The following PABPC5 variants were observed in gnomAD, a reference collection of about 807,000 sequenced individuals.
The protein encoded by PABPC5 is polyadenylate-binding protein 5.
A neutral mutation model predicts 12.6 loss-of-function variants in PABPC5; 6 were observed. The ratio of observed to expected loss-of-function variants is 0.48; its 90% CI spans 0.26 to 0.94. The LOEUF is 0.94. PABPC5 is among the 40% of genes least tolerant of loss of function. PABPC5 has a pLI of 0.14. For missense variants in PABPC5, 244 were observed against 302.8 expected, an observed-to-expected ratio of 0.81 and a Z score of 1.44; for synonymous variants, 124 against 118.4, an observed-to-expected ratio of 1.05 and a Z score of -0.31.
chrX:91,435,769 T>C lies in PABPC5; in HGVS notation c.192T>C (p.Val64=), dbSNP rs1449809207. 2 of 1,209,535 alleles carry C rather than the reference T, an allele frequency of 1.7e-6. No homozygotes were observed. The highest frequency in any genetic ancestry group is 2.2e-6 in the Non-Finnish European group (2 of 895,020). ...GCAGCCCCCTGGGCTATGGGTATGT[T>C]AACTTCCGCTTTCCCGCGGATGCAG... is the stretch of plus-strand genomic sequence containing the variant. ...VTRSPLGYGY[V]NFRFPADAEW... The change falls in exon 2 of 2, where the codon GTT becomes GTC. Residue 64 remains valine (V), a synonymous_variant. Transcript: ENST00000312600.
rs1931622564 is a variant in PABPC5 at position 91,437,467 on chromosome X, T to A, written c.*741T>A. The A allele has an allele frequency of 8.1e-6, 1 of 123,379 alleles. No individual in the cohort carries two copies. The highest frequency in any genetic ancestry group is 1.9e-5 in the Non-Finnish European group (1 of 53,217). 10.2% of individuals were successfully genotyped at this position (123,379 alleles called of 1,213,427 possible). On this transcript the variant is annotated 3_prime_UTR_variant, in exon 2 of 2. Coordinates refer to ENST00000312600, the MANE Select transcript of PABPC5 (RefSeq NM_080832.3). Reference sequence around the variant, plus strand: ...TCCTAAGAGATTTGGTATGTGAGGATACTTTCAGTACCACTCCTACCATTC... The same window carrying A: ...TCCTAAGAGATTTGGTATGTGAGGAAACTTTCAGTACCACTCCTACCATTC...
rs1166566970 is a variant in PABPC5, at chrX:91,435,615, A to G, written c.38A>G (p.Lys13Arg). 1.7e-6 allele frequency: 2 copies of G among 1,207,722 alleles called. No homozygotes were observed. Among genetic ancestry groups the G allele is most frequent in the Non-Finnish European group, 2.2e-6 (2 of 894,172 alleles). The change falls in exon 2 of 2, where the codon AAG becomes AGG. Residue 13 changes from lysine (K) to arginine (R), a missense_variant. Physicochemically the swap from Lys to Arg is conservative, Grantham distance 26 (BLOSUM62 2). This residue lies in a region of PABPC5 where 29 missense variants were observed against 20.5 expected (regional missense o/e 1.41). Transcript: ENST00000312600. ...SGEPNPAGKK[K>R]KYLKAALYVG... ...GAGCCTAATCCTGCTGGCAAGAAAAAGAAGTATCTCAAGGCCGCTCTGTAC... is the reference window on the plus strand; with the variant it reads ...GAGCCTAATCCTGCTGGCAAGAAAAGGAAGTATCTCAAGGCCGCTCTGTAC...
In PABPC5 at chrX:91,435,464, G is replaced by C. The variant is rs1242104847; in HGVS notation, c.-114G>C. ...GACAGTGATTCTGAGTCTGCTTTTA[G>C]CTTCCTTTTGCCTGCCTTGGCTTTT... On this transcript the variant is annotated 5_prime_UTR_variant, in exon 2 of 2. Coordinates refer to ENST00000312600, the MANE Select transcript of PABPC5 (RefSeq NM_080832.3). The C allele has an allele frequency of 1.5e-6, 1 of 686,795 alleles. No individual in the cohort carries two copies. The highest frequency in any genetic ancestry group is 3.5e-5 in the East Asian group (1 of 28,545). 56.6% of individuals were successfully genotyped at this position (686,795 alleles called of 1,213,427 possible).
At chrX:91,435,160 C>A (rs904650675) in intron 1 of PABPC5, among the ~76,000 whole-genome samples, 2 of 111,659 alleles carry the variant, frequency 1.8e-5, no homozygotes, top group African/African-American at 6.5e-5. Flanking sequence ...CCAACAGGAG[C>A]TCTAGGCCTA....
In PABPC5 at chrX:91,436,631, G is replaced by A. The variant is rs1471347981; in HGVS notation, c.1054G>A (p.Glu352Lys). The part of the protein sequence containing the change: ...GFGVVCFSSF[E>K]EATKAVDEMN... ...TGGTGTGGTCTGCTTTTCCTCTTTT[G>A]AAGAGGCTACCAAAGCAGTGGATGA... Residue 352 changes from glutamate to lysine, a missense_variant, in exon 2 of 2, where the codon GAA becomes AAA. Around this residue, in one of 3 missense-constraint regions of PABPC5, gnomAD observed 211 missense variants for 261.5 expected, o/e 0.81. Transcript: ENST00000312600. 1 of 1,211,497 alleles carries A rather than the reference G, an allele frequency of 8.3e-7. No homozygotes were observed. Among genetic ancestry groups the A allele is most frequent in the South Asian group, 1.8e-5 (1 of 56,970 alleles).
rs1461663807 is a variant in PABPC5, at chrX:91,436,820, T to G, written c.*94T>G. 2.3e-5 allele frequency: 18 copies of G among 794,298 alleles called. No homozygotes were observed. The highest frequency in any genetic ancestry group is 9.6e-4 in the Middle Eastern group (2 of 2,073). The allele number at this position is 794,298 out of a possible 1,213,427, so 65.5% of individuals were successfully genotyped here. A position where few individuals can be genotyped will look rare whatever the true frequency, so the allele number is the denominator to read the frequency against. On this transcript the variant is annotated 3_prime_UTR_variant, in exon 2 of 2. Coordinates refer to ENST00000312600, the MANE Select transcript of PABPC5 (RefSeq NM_080832.3). ...GGGTTATTTTATGCTAATTCACAAG[T>G]TTTTTTTTGAAGTGAATTCTTTTGA...
In PABPC5 at chrX:91,437,917, A is replaced by G. The variant is rs984972618; in HGVS notation, c.*1191A>G. 5.8e-5 allele frequency: 7 copies of G among 120,465 alleles called. No homozygotes were observed. The highest frequency in any genetic ancestry group is 2.3e-4 in the African/African-American group (7 of 30,166). The allele number at this position is 120,465 out of a possible 1,213,427, so 9.9% of individuals were successfully genotyped here. A position where few individuals can be genotyped will look rare whatever the true frequency, so the allele number is the denominator to read the frequency against. On this transcript the variant is annotated 3_prime_UTR_variant, in exon 2 of 2. Transcript: ENST00000312600. ...TTAGCCTGTAATTTCTAAATTGGAG[A>G]TTCTCTACATTTCACTTGCAGTTTC...
chrX:91,438,527 A>G lies in PABPC5; in HGVS notation c.*1801A>G, dbSNP rs1205241638. 1 of 123,014 alleles carries G rather than the reference A, an allele frequency of 8.1e-6. No individual in the cohort carries two copies. Among genetic ancestry groups the G allele is most frequent in the Non-Finnish European group, 1.9e-5 (1 of 52,918 alleles). The allele number at this position is 123,014 out of a possible 1,213,427, so 10.1% of individuals were successfully genotyped here. On this transcript the variant is annotated 3_prime_UTR_variant, in exon 2 of 2. Transcript: ENST00000312600. Reference sequence around the variant, plus strand: ...CTATATGTACTGTTCTGTATTTTTAATTTTAAACTGAACAATAATCATCTT... The same window carrying G: ...CTATATGTACTGTTCTGTATTTTTAGTTTTAAACTGAACAATAATCATCTT...
Position 91,436,417 on chromosome X carries a change from C to A in PABPC5, c.840C>A (p.Arg280=). The A allele has an allele frequency of 8.3e-7, 1 of 1,211,568 alleles. No individual in the cohort carries two copies. The highest frequency in any genetic ancestry group is 1.1e-6 in the Non-Finnish European group (1 of 895,526). ...YVGRAQKKIE[R]LAELRRRFER... ...GGCGAGCACAGAAGAAAATTGAACG[C>A]CTGGCTGAGTTGAGGCGGAGATTTG... Residue 280 remains arginine (R), a synonymous_variant, in exon 2 of 2, where the codon CGC becomes CGA. Transcript: ENST00000312600.
Position 91,436,249 on chromosome X carries a change from A to G in PABPC5, c.672A>G (p.Pro224=). 1 of 1,211,814 alleles carries G rather than the reference A, an allele frequency of 8.3e-7. No homozygotes were observed. The highest frequency in any genetic ancestry group is 1.1e-6 in the Non-Finnish European group (1 of 895,447). ...KLKELFCEYG[P]TESVKVIRDA... ...AGGAACTTTTCTGTGAATATGGGCCAACTGAGAGTGTTAAAGTAATAAGAG... is the reference window on the plus strand; with the variant it reads ...AGGAACTTTTCTGTGAATATGGGCCGACTGAGAGTGTTAAAGTAATAAGAG... Residue 224 remains proline, a synonymous_variant, in exon 2 of 2, where the codon CCA becomes CCG. Coordinates refer to ENST00000312600, the MANE Select transcript of PABPC5 (RefSeq NM_080832.3).
Position 91,436,885 on chromosome X carries a change from A to AT in PABPC5, c.*160dup. The AT allele has an allele frequency of 2.2e-6, 1 of 461,116 alleles. No homozygotes were observed. The highest frequency in any genetic ancestry group is 5.4e-5 in the South Asian group (1 of 18,511). The allele number at this position is 461,116 out of a possible 1,213,427, so 38.0% of individuals were successfully genotyped here. On this transcript the variant is annotated 3_prime_UTR_variant, in exon 2 of 2. Transcript: ENST00000312600. ...ACTAGAAAACTTTATTCATTTTAGA[A>AT]TAGAACATAATTTCTAACTGTAAAA... is the stretch of plus-strand genomic sequence containing the variant.
rs181096238 is a variant in PABPC5, at chrX:91,437,803, A to G, written c.*1077A>G. 4.1e-5 allele frequency: 5 copies of G among 121,311 alleles called. No homozygotes were observed. In the East Asian group the frequency reaches 1.4e-3, roughly 35 times the overall value. The allele number at this position is 121,311 out of a possible 1,213,427, so 10.0% of individuals were successfully genotyped here. On this transcript the variant is annotated 3_prime_UTR_variant, in exon 2 of 2. Transcript: ENST00000312600. ...CATATGCCTCCAGCCATTATATGAG[A>G]ACTGTGAAACCAATATGGTTTTCTT...
At position 91,435,590 on chromosome X, in the gene PABPC5, G is replaced by A. The variant is rs779583126; in HGVS notation, c.13G>A (p.Glu5Lys). 6.7e-6 allele frequency: 8 copies of A among 1,202,337 alleles called. No individual in the cohort carries two copies. In the East Asian group the frequency reaches 2.1e-4, roughly 31 times the overall value. Reference protein sequence around the residue: MGSGEPNPAGKKKKY... With the variant: MGSGKPNPAGKKKKY... ...AGTGCTCAGAGAGATGGGGAGCGGG[G>A]AGCCTAATCCTGCTGGCAAGAAAAA... is the stretch of plus-strand genomic sequence containing the variant. The change falls in exon 2 of 2, where the codon GAG becomes AAG. Residue 5 changes from glutamate (E) to lysine (K), a missense_variant. Physicochemically the swap from Glu to Lys is moderately conservative, Grantham distance 56. This residue lies in a region of PABPC5 where 29 missense variants were observed against 20.5 expected (regional missense o/e 1.41). Coordinates refer to ENST00000312600, the MANE Select transcript of PABPC5 (RefSeq NM_080832.3).
rs1931622748 is a variant in PABPC5, at chrX:91,437,490, T to A, written c.*764T>A. ...GATACTTTCAGTACCACTCCTACCA[T>A]TCATTTTTCTAAATTCCTTAGTACA... On this transcript the variant is annotated 3_prime_UTR_variant, in exon 2 of 2. Coordinates refer to ENST00000312600, the MANE Select transcript of PABPC5 (RefSeq NM_080832.3). The A allele has an allele frequency of 8.1e-6, 1 of 123,399 alleles. No individual in the cohort carries two copies. The highest frequency in any genetic ancestry group is 9.5e-5 in the Admixed American group (1 of 10,568). The allele number at this position is 123,399 out of a possible 1,213,427, so 10.2% of individuals were successfully genotyped here. A position where few individuals can be genotyped will look rare whatever the true frequency, so the allele number is the denominator to read the frequency against.
At position 91,436,280 on chromosome X, in the gene PABPC5, A is replaced by C. The variant is rs768020487; in HGVS notation, c.703A>C (p.Ser235Arg). 5.0e-6 allele frequency: 6 copies of C among 1,211,815 alleles called. No individual in the cohort carries two copies. In the South Asian group the frequency reaches 8.8e-5, roughly 18 times the overall value. Reference protein sequence around the residue: ...TESVKVIRDASGKSKGFGFVR... With the variant: ...TESVKVIRDARGKSKGFGFVR... ...GAGTGTTAAAGTAATAAGAGATGCCAGTGGGAAATCTAAAGGCTTTGGATT... is the reference window on the plus strand; with the variant it reads ...GAGTGTTAAAGTAATAAGAGATGCCCGTGGGAAATCTAAAGGCTTTGGATT... Residue 235 changes from serine to arginine, a missense_variant, in exon 2 of 2, where the codon AGT becomes CGT. Transcript: ENST00000312600.
rs904900359 is a variant in PABPC5 at position 91,436,819 on chromosome X, G to GT, written c.*102dup. ...GGGGTTATTTTATGCTAATTCACAA[G>GT]TTTTTTTTTGAAGTGAATTCTTTTG... is the stretch of plus-strand genomic sequence containing the variant. On this transcript the variant is annotated 3_prime_UTR_variant, in exon 2 of 2. Coordinates refer to ENST00000312600, the MANE Select transcript of PABPC5 (RefSeq NM_080832.3). 1,653 of 791,502 alleles carry GT rather than the reference G, an allele frequency of 2.1e-3. 1 individual carries two copies. The highest frequency in any genetic ancestry group is 2.5e-3 in the Non-Finnish European group (1,489 of 587,756). The allele number at this position is 791,502 out of a possible 1,213,427, so 65.2% of individuals were successfully genotyped here. A position where few individuals can be genotyped will look rare whatever the true frequency, so the allele number is the denominator to read the frequency against.
Position 91,435,892 on chromosome X carries a change from G to T in PABPC5, c.315G>T (p.Val105=). Residue 105 remains valine, a synonymous_variant, in exon 2 of 2, where the codon GTG becomes GTT. Transcript: ENST00000312600. ...QPDDRLRKSG[V]GNIFIKNLDK... ...ATGACCGCTTAAGAAAGTCTGGAGT[G>T]GGAAATATATTCATCAAAAACCTGG... is the stretch of plus-strand genomic sequence containing the variant. The T allele has an allele frequency of 8.3e-7, 1 of 1,211,498 alleles. No individual in the cohort carries two copies. The highest frequency in any genetic ancestry group is 1.1e-6 in the Non-Finnish European group (1 of 895,119).
At position 91,436,684 on chromosome X, in the gene PABPC5, G is replaced by A. The variant is rs372319876; in HGVS notation, c.1107G>A (p.Lys369=). The part of the protein sequence containing the change: ...DEMNGRIVGS[K]PLHVTLGQAR... ...TGAATGGCCGCATAGTGGGCTCCAAGCCCCTGCATGTCACCCTGGGCCAGG... is the reference window on the plus strand; with the variant it reads ...TGAATGGCCGCATAGTGGGCTCCAAACCCCTGCATGTCACCCTGGGCCAGG... The change falls in exon 2 of 2, where the codon AAG becomes AAA. Residue 369 remains lysine, a synonymous_variant. Transcript: ENST00000312600. The A allele has an allele frequency of 2.4e-5, 29 of 1,208,890 alleles. No homozygotes were observed. Among genetic ancestry groups the A allele is most frequent in the Non-Finnish European group, 3.2e-5 (29 of 895,151 alleles).
In PABPC5 at chrX:91,437,307, C is replaced by T. The variant is rs1282448789; in HGVS notation, c.*581C>T. 8.1e-6 allele frequency: 1 copy of T among 122,963 alleles called. No homozygotes were observed. The highest frequency in any genetic ancestry group is 1.9e-5 in the Non-Finnish European group (1 of 53,166). The allele number at this position is 122,963 out of a possible 1,213,427, so 10.1% of individuals were successfully genotyped here. ...GCTACAGATTTGATAGTACTTTTGA[C>T]TAAATGTTGGGAGTGGTCGTATTAA... On this transcript the variant is annotated 3_prime_UTR_variant, in exon 2 of 2. Transcript: ENST00000312600.
Sources: gnomAD v4.1 joint callset for allele counts (sites outside exome capture counted in the v4.1 genomes callset) on GRCh38, gnomAD v4.1.1 for gene constraint, gnomAD v4.1.1 regional missense constraint, MANE v1.5 for transcripts, NCBI Gene and HGNC (gene_info 2026-07-23, HGNC 2026-07-21) for gene names.